The following SCHIP1 variants were observed in gnomAD, a reference collection of about 807,000 sequenced individuals.
SCHIP1 encodes schwannomin-interacting protein 1.
A neutral mutation model predicts 29.7 loss-of-function variants in SCHIP1; 8 were observed. The observed-to-expected ratio is 0.27, with a 90% CI of 0.16 to 0.49. SCHIP1 has a LOEUF of 0.49. Ranked by LOEUF, SCHIP1 falls within the 20% of genes least tolerant of loss-of-function variation. The pLI is 0.99. For missense variants in SCHIP1, 193 were observed against 294.6 expected (o/e 0.66, Z 2.52); for synonymous variants, 76 against 94.9 (o/e 0.80, Z 1.16).
At chr3:159,396,659 T>G in the SCHIP1 span, among the ~76,000 whole-genome samples, 5 of 152,240 alleles carry the variant, frequency 3.3e-5, no homozygotes, top group African/African-American at 1.2e-4. Context: ...CCAACTCTCC[T>G]CTGGCTTGTA....
intron 1 of SCHIP1, among the ~76,000 whole-genome samples, chr3:159,844,894 G>T (rs1057058516): frequency 6.6e-6 from 1 of 152,174 alleles, no homozygotes; most frequent in Non-Finnish European, 1.5e-5. Context: ...GAGACTTGAA[G>T]AAGAAAAAGT....
At chr3:159,661,642 T>C in the SCHIP1 span, among the ~76,000 whole-genome samples, 2 of 152,190 alleles carry the variant, frequency 1.3e-5, no homozygotes, top group African/African-American at 4.8e-5. Flanking sequence ...ATGTTTATCT[T>C]AGGTATGTAT....
chr3:159,525,898 AT>A, the SCHIP1 span, among the ~76,000 whole-genome samples: 1 of 152,228 alleles, frequency 6.6e-6, no homozygotes, highest in Non-Finnish European at 1.5e-5. Flanking sequence ...CATGGAAAAA[AT>A]GTTCTATTAA....
the SCHIP1 span, among the ~76,000 whole-genome samples, chr3:159,360,732 T>C: frequency 1.3e-5 from 2 of 152,184 alleles, no homozygotes; most frequent in Non-Finnish European, 2.9e-5. Flanking sequence ...AATGCTTTTT[T>C]TTTAAATTAG....
At chr3:159,896,668 A>G (rs1446059869) in intron 6 of SCHIP1, 55 bp from the exon 8 acceptor site, 1 of 1,500,942 alleles carries the variant, frequency 6.7e-7, no homozygotes, top group Admixed American at 2.2e-5. Flanking sequence ...ATTGATTGAA[A>G]AGCAGTTTGG....
chr3:159,475,823 T>C, the SCHIP1 span, among the ~76,000 whole-genome samples: 49 of 152,096 alleles, frequency 3.2e-4, 1 homozygote, highest in South Asian at 6.2e-4. Flanking sequence ...AAAGAAGCAT[T>C]TGAGAGCTGG....
chr3:159,496,218 C>A, the SCHIP1 span, among the ~76,000 whole-genome samples: 1 of 152,034 alleles, frequency 6.6e-6, no homozygotes. Flanking sequence ...TCTAAAACAC[C>A]AAAAGCAATG....
the SCHIP1 span, among the ~76,000 whole-genome samples, chr3:159,654,134 A>G: frequency 1.3e-5 from 2 of 152,164 alleles, no homozygotes; most frequent in Non-Finnish European, 2.9e-5. Context: ...CAAATCGCAT[A>G]AAGATGTCAG....
the SCHIP1 span, among the ~76,000 whole-genome samples, chr3:159,727,866 A>AT: frequency 6.6e-6 from 1 of 151,800 alleles, no homozygotes; most frequent in African/African-American, 2.4e-5. Context: ...CTTCCTCTAA[A>AT]TGGGTGTCCA....
At chr3:159,620,633 G>A in the SCHIP1 span, among the ~76,000 whole-genome samples, 1 of 152,204 alleles carries the variant, frequency 6.6e-6, no homozygotes, top group African/African-American at 2.4e-5. Context: ...AACATTGTAA[G>A]AAGGCACCAT....
At chr3:159,799,679 T>C in the SCHIP1 span, among the ~76,000 whole-genome samples, 1 of 152,102 alleles carries the variant, frequency 6.6e-6, no homozygotes, top group Non-Finnish European at 1.5e-5. Flanking sequence ...ATGAGTGAGT[T>C]AGGAGCTTGC....
At chr3:159,283,056 C>A in the SCHIP1 span, among the ~76,000 whole-genome samples, 5 of 151,870 alleles carry the variant, frequency 3.3e-5, no homozygotes, top group Admixed American at 1.3e-4. Context: ...CATCTAGGAA[C>A]GCTGTGTAGA....
chr3:159,817,077 G>C, the SCHIP1 span, among the ~76,000 whole-genome samples: 1 of 152,084 alleles, frequency 6.6e-6, no homozygotes, highest in Non-Finnish European at 1.5e-5. Flanking sequence ...TCTTATCTCT[G>C]TATTCCTTGA....
the SCHIP1 span, among the ~76,000 whole-genome samples, chr3:159,749,194 G>C: frequency 6.6e-6 from 1 of 152,124 alleles, no homozygotes; most frequent in East Asian, 1.9e-4. Context: ...TGCAACTGTA[G>C]TCCCAGCTAC....
At chr3:159,664,101 A>G in the SCHIP1 span, among the ~76,000 whole-genome samples, 1 of 152,238 alleles carries the variant, frequency 6.6e-6, no homozygotes, top group Non-Finnish European at 1.5e-5. Flanking sequence ...ATGGAAGCCA[A>G]GAAGGGTCAT....
At chr3:159,877,737 C>T (rs1291038001) in intron 2 of SCHIP1, among the ~76,000 whole-genome samples, 1 of 152,212 alleles carries the variant, frequency 6.6e-6, no homozygotes, top group African/African-American at 2.4e-5. Context: ...AGTATTTCTT[C>T]TCTAACCTTC....
At chr3:159,597,317 C>T in the SCHIP1 span, among the ~76,000 whole-genome samples, 1 of 152,166 alleles carries the variant, frequency 6.6e-6, no homozygotes, top group Admixed American at 6.5e-5. Flanking sequence ...GTGTCCATCA[C>T]CTGAGTACAA....
the SCHIP1 span, among the ~76,000 whole-genome samples, chr3:159,540,176 T>C: frequency 6.6e-6 from 1 of 152,032 alleles, no homozygotes; most frequent in Non-Finnish European, 1.5e-5. Flanking sequence ...ATATCCTTCA[T>C]CAAAGAGGGA....
the SCHIP1 span, among the ~76,000 whole-genome samples, chr3:159,778,882 G>A: frequency 6.6e-6 from 1 of 152,190 alleles, no homozygotes; most frequent in Admixed American, 6.5e-5. Context: ...TGAATCTCCA[G>A]TGAGGGGGCT....
Sources: gnomAD v4.1 joint callset for allele counts (sites outside exome capture counted in the v4.1 genomes callset) on GRCh38, gnomAD v4.1.1 for gene constraint, MANE v1.5 for transcripts, NCBI Gene and HGNC (gene_info 2026-07-23, HGNC 2026-07-21) for gene names.